ADAMTS12: variants seen among roughly 807,000 people sequenced by gnomAD.
The protein encoded by ADAMTS12 is A disintegrin and metalloproteinase with thrombospondin motifs 12.
A neutral mutation model predicts 167.8 loss-of-function variants in ADAMTS12; 118 were observed. The observed-to-expected ratio is 0.70, with a 90% CI of 0.61 to 0.82. The LOEUF (loss-of-function observed/expected upper bound fraction) is 0.82, where lower values mean the gene tolerates loss of function less well. Among genes scored for constraint, ADAMTS12 ranks in the 40% least tolerant of loss-of-function variants. The pLI is 0.00. For missense variants in ADAMTS12, 1,916 were observed against 1,998.8 expected, an observed-to-expected ratio of 0.96 and a Z score of 0.79; for synonymous variants, 704 against 716.9, an observed-to-expected ratio of 0.98 and a Z score of 0.29.
At chr5:33,800,272 G>T (rs944897913) in intron 2 of ADAMTS12, among the ~76,000 whole-genome samples, 6 of 152,310 alleles carry the variant, frequency 3.9e-5, no homozygotes, top group African/African-American at 7.2e-5. Context: ...GAAAAGGTTG[G>T]AGTAGTAAGG....
chr5:33,771,066 T>C (rs559364357), intron 2 of ADAMTS12, among the ~76,000 whole-genome samples: 7 of 152,282 alleles, frequency 4.6e-5, no homozygotes, highest in African/African-American at 1.7e-4. Context: ...GGTTAGTAAA[T>C]GTCACTAATA....
chr5:33,611,993 G>GT (rs1561167186), intron 16 of ADAMTS12, among the ~76,000 whole-genome samples: 1 of 152,190 alleles, frequency 6.6e-6, no homozygotes, highest in South Asian at 2.1e-4. Context: ...AGTGTAGAAA[G>GT]TTTTAGCCTA....
At chr5:33,666,775 G>C (rs1741486563) in intron 5 of ADAMTS12, among the ~76,000 whole-genome samples, 1 of 152,130 alleles carries the variant, frequency 6.6e-6, no homozygotes, top group South Asian at 2.1e-4. Flanking sequence ...ACAGGCGTGA[G>C]CCACCATGCC....
intron 17 of ADAMTS12, among the ~76,000 whole-genome samples, chr5:33,590,022 G>A (rs901661174): frequency 4.6e-5 from 7 of 152,096 alleles, no homozygotes; most frequent in Non-Finnish European, 7.3e-5. Context: ...TAACATCAGT[G>A]GATAAAGAGC....
intron 23 of ADAMTS12, among the ~76,000 whole-genome samples, chr5:33,529,546 G>GGCTTT (rs1743993003): frequency 6.6e-6 from 1 of 152,160 alleles, no homozygotes; most frequent in African/African-American, 2.4e-5. Context: ...AAAGGGAACA[G>GGCTTT]TCAGGAAAAG....
chr5:33,809,504 A>G (rs568554087), intron 2 of ADAMTS12, among the ~76,000 whole-genome samples: 12 of 152,108 alleles, frequency 7.9e-5, no homozygotes, highest in South Asian at 2.1e-4. Context: ...GTTGTGTTCT[A>G]ATTGTGTTGT....
chr5:33,601,006 C>T (rs1738159747), intron 16 of ADAMTS12, among the ~76,000 whole-genome samples: 1 of 151,842 alleles, frequency 6.6e-6, no homozygotes, highest in African/African-American at 2.4e-5. Context: ...GTTTCTTCAC[C>T]TGTTTTCATG....
chr5:33,849,174 AATATATATATGTATTGCATAGCAAT>A (rs1561306423), intron 2 of ADAMTS12, among the ~76,000 whole-genome samples: 116 of 43,832 alleles, frequency 2.6e-3, no homozygotes, highest in Admixed American at 3.8e-3. Flanking sequence ...ATTGCATAGC[AATATATATATGTATTGCATAGCAAT>A]ATATATATAT....
chr5:33,633,833 T>C (rs1740071083), intron 12 of ADAMTS12, among the ~76,000 whole-genome samples: 1 of 152,168 alleles, frequency 6.6e-6, no homozygotes, highest in African/African-American at 2.4e-5. Context: ...GTACTTTCCT[T>C]GTCTCACATT....
rs375821992 is a variant in ADAMTS12 at position 33,527,711 on chromosome 5, G to A, written c.4607-345C>T. On this transcript the variant is annotated intron_variant, in intron 23 of 23. Coordinates refer to ENST00000504830, the MANE Select transcript of ADAMTS12 (RefSeq NM_030955.4). The stretch of plus-strand genomic sequence containing the variant: ...TAGATAATGGGATGCTAGTAGACAC[G>A]ATCTCTGCAGTGACTTGGAATGTGC... Among the ~76,000 whole-genome samples the A allele has an allele frequency of 1.3e-4, 20 of 152,278 alleles. No homozygotes were observed. In the East Asian group the frequency reaches 3.1e-3, roughly 24 times the overall value.
At chr5:33,678,521 G>C (rs1256785112) in intron 5 of ADAMTS12, among the ~76,000 whole-genome samples, 3 of 152,166 alleles carry the variant, frequency 2.0e-5, no homozygotes, top group Non-Finnish European at 4.4e-5. Flanking sequence ...GTCAGGAAAG[G>C]CTTCCCCAAG....
intron 16 of ADAMTS12, among the ~76,000 whole-genome samples, chr5:33,602,882 C>A (rs139096131): frequency 7.2e-5 from 11 of 152,302 alleles, no homozygotes; most frequent in Admixed American, 7.2e-4. Flanking sequence ...GTCAAACAAT[C>A]TCCAGGAACT....
At position 33,655,606 on chromosome 5, in the gene ADAMTS12, CT is replaced by C. The variant is rs34629933; in HGVS notation, c.1190+2577del. Among the ~76,000 whole-genome samples, 581 of 68,380 alleles carry C rather than the reference CT, an allele frequency of 8.5e-3. 2 individuals carry two copies. The highest frequency in any genetic ancestry group is 0.016 in the African/African-American group (455 of 28,062). 44.9% of individuals were successfully genotyped at this position (68,380 alleles called of 152,430 possible). On this transcript the variant is annotated intron_variant, in intron 7 of 23. Transcript: ENST00000504830. ...TCTCAAATCCTTGTCTCGGGGTTGA[CT>C]TTTTTTTTTTTAGTTTTATTTATTT...
At chr5:33,638,028 A>T (rs1740277271) in intron 11 of ADAMTS12, among the ~76,000 whole-genome samples, 1 of 152,190 alleles carries the variant, frequency 6.6e-6, no homozygotes, top group Admixed American at 6.5e-5. Context: ...TTTCCTTTCG[A>T]GTATGCTCCT....
chr5:33,819,702 T>C (rs918515693), intron 2 of ADAMTS12, among the ~76,000 whole-genome samples: 4 of 152,134 alleles, frequency 2.6e-5, no homozygotes, highest in Non-Finnish European at 4.4e-5. Context: ...TTATAAACGA[T>C]CCACTCAGAA....
intron 2 of ADAMTS12, among the ~76,000 whole-genome samples, chr5:33,879,112 C>T (rs1019398825): frequency 1.3e-5 from 2 of 152,112 alleles, no homozygotes; most frequent in African/African-American, 2.4e-5. Flanking sequence ...CTGCACAACT[C>T]TGAACACATT....
At chr5:33,540,056 AG>A (rs1246818408) in intron 22 of ADAMTS12, among the ~76,000 whole-genome samples, 2 of 152,226 alleles carry the variant, frequency 1.3e-5, no homozygotes, top group Admixed American at 1.3e-4. Flanking sequence ...TTCCTATCCA[AG>A]GGAAGCCATG....
chr5:33,713,826 A>G (rs890711729), intron 3 of ADAMTS12, among the ~76,000 whole-genome samples: 12 of 152,162 alleles, frequency 7.9e-5, no homozygotes, highest in Admixed American at 5.2e-4. Context: ...TATGACAAGA[A>G]TCTACTGTCA....
chr5:33,700,801 G>C (rs1409489641), intron 3 of ADAMTS12, among the ~76,000 whole-genome samples: 1 of 152,048 alleles, frequency 6.6e-6, no homozygotes, highest in East Asian at 1.9e-4. Flanking sequence ...CCGGGTGAGG[G>C]GTACATGAGA....
Sources: allele counts gnomAD v4.1 joint callset (sites outside exome capture counted in the v4.1 genomes callset), GRCh38; gene constraint gnomAD v4.1.1; transcripts MANE v1.5; gene names NCBI Gene and HGNC (gene_info 2026-07-23, HGNC 2026-07-21).